The following TLE4 variants were observed in gnomAD, a reference collection of about 807,000 sequenced individuals.
The protein encoded by TLE4 is transducin-like enhancer protein 4.
Under a neutral mutation model 92.8 loss-of-function variants are expected in TLE4, and 8 were observed. The observed-to-expected ratio is 0.09, with a 90% CI of 0.05 to 0.16. The LOEUF (loss-of-function observed/expected upper bound fraction) is 0.16. TLE4 is among the 10% of genes least tolerant of loss of function. The probability of loss-of-function intolerance (pLI) is 1.00; values close to 1 mark genes in which losing one functional copy is unlikely to be tolerated. For missense variants in TLE4, 675 were observed against 997.6 expected (o/e 0.68, Z 4.36); for synonymous variants, 371 against 374.1 (o/e 0.99, Z 0.10).
At chr9:79,641,652 A>G (rs1013156294) in intron 6 of TLE4, among the ~76,000 whole-genome samples, 2 of 152,184 alleles carry the variant, frequency 1.3e-5, no homozygotes, top group Non-Finnish European at 2.9e-5. Context: ...TGCATCCTGC[A>G]GGTCTCAGTT....
rs1178109156 is a variant in TLE4 at position 79,601,252 on chromosome 9, GTATCCTAAATGCCAGAAAA to G, written c.253-11403_253-11385del. On this transcript the variant is annotated intron_variant, in intron 4 of 19. Coordinates refer to ENST00000376552, the MANE Select transcript of TLE4 (RefSeq NM_007005.6). ...ATTTATTATTCTTTTGAATAGCATG[GTATCCTAAATGCCAGAAAA>G]GATGTGTGATGGGAAACTAAATAAA... 1.4e-3 allele frequency among the ~76,000 whole-genome samples: 208 copies of G among 152,218 alleles called. 5 individuals carry two copies. The highest frequency in any genetic ancestry group is 0.014 in the Admixed American group (207 of 15,298).
intron 8 of TLE4, among the ~76,000 whole-genome samples, chr9:79,700,853 TAC>T (rs998979140): frequency 6.6e-6 from 1 of 151,782 alleles, no homozygotes; most frequent in Non-Finnish European, 1.5e-5. Context: ...CACACACACA[TAC>T]ACACACACAC....
At chr9:79,686,132 A>G (rs2065801092) in intron 8 of TLE4, among the ~76,000 whole-genome samples, 1 of 152,220 alleles carries the variant, frequency 6.6e-6, no homozygotes. Flanking sequence ...TGTCTAGGTT[A>G]TATGCAGATA....
At chr9:79,668,880 A>T (rs912816359) in intron 8 of TLE4, 3 of 961,860 alleles carry the variant, frequency 3.1e-6, no homozygotes, top group Non-Finnish European at 1.2e-6. Context: ...TAGCAAAAGC[A>T]TGTCAACAAT....
intron 8 of TLE4, among the ~76,000 whole-genome samples, chr9:79,659,612 G>C (rs2060248833): frequency 6.6e-6 from 1 of 151,638 alleles, no homozygotes; most frequent in Non-Finnish European, 1.5e-5. Flanking sequence ...TTTGTTTTTT[G>C]CCACTCCCTA....
Position 79,642,704 on chromosome 9 carries a change from G to A in TLE4, c.391-9889G>A, listed in dbSNP as rs549944061. 3.3e-5 allele frequency among the ~76,000 whole-genome samples: 5 copies of A among 152,078 alleles called. No individual in the cohort carries two copies. In the South Asian group the frequency reaches 1.0e-3, roughly 32 times the overall value. ...ACTAATGGGAAAGTTAATAAATCAGGGTTTTTGTAGTTTTCTCCTTCTTTT... is the reference window on the plus strand; with the variant it reads ...ACTAATGGGAAAGTTAATAAATCAGAGTTTTTGTAGTTTTCTCCTTCTTTT... On this transcript the variant is annotated intron_variant, in intron 6 of 19. Coordinates refer to ENST00000376552, the MANE Select transcript of TLE4 (RefSeq NM_007005.6).
intron 8 of TLE4, among the ~76,000 whole-genome samples, chr9:79,700,191 C>T (rs937339984): frequency 1.3e-5 from 2 of 152,164 alleles, no homozygotes; most frequent in Admixed American, 1.3e-4. Flanking sequence ...TTACCCCAGA[C>T]TAAAGAGAGG....
At chr9:79,696,488 T>C (rs1004831578) in intron 8 of TLE4, among the ~76,000 whole-genome samples, 2 of 152,186 alleles carry the variant, frequency 1.3e-5, no homozygotes, top group Admixed American at 6.6e-5. Context: ...TTCCTTTAAA[T>C]TGATATATTG....
chr9:79,663,937 A>G (rs2060963990), intron 8 of TLE4, among the ~76,000 whole-genome samples: 1 of 152,216 alleles, frequency 6.6e-6, no homozygotes, highest in African/African-American at 2.4e-5. Flanking sequence ...AGTCCCCGAG[A>G]CGCACTTCAT....
chr9:79,639,638 G>T (rs996759133), intron 6 of TLE4, among the ~76,000 whole-genome samples: 2 of 151,848 alleles, frequency 1.3e-5, no homozygotes, highest in Admixed American at 6.6e-5. Context: ...CTTTTATACT[G>T]TATTTTTACT....
chr9:79,576,260 T>C (rs759062945), intron 4 of TLE4, 83 bp downstream of exon 4: 37 of 1,083,960 alleles, frequency 3.4e-5, no homozygotes, highest in Admixed American at 9.0e-5. Flanking sequence ...TGCAGTTTTA[T>C]TCTGCAAGCC....
At chr9:79,722,924 C>A in intron 18 of TLE4, 35 bp from the exon 19 acceptor site, 1 of 1,600,576 alleles carries the variant, frequency 6.2e-7, no homozygotes, top group Non-Finnish European at 8.6e-7. Flanking sequence ...CAGAGTAACA[C>A]AAACATTGCC....
At chr9:79,712,697 G>T (rs558684058) in intron 14 of TLE4, among the ~76,000 whole-genome samples, 2 of 152,318 alleles carry the variant, frequency 1.3e-5, no homozygotes, top group South Asian at 4.1e-4. Flanking sequence ...GTCTGCTCAG[G>T]TGAATTAGCA....
intron 8 of TLE4, among the ~76,000 whole-genome samples, chr9:79,690,701 C>T (rs765077154): frequency 6.6e-6 from 1 of 150,700 alleles, no homozygotes; most frequent in African/African-American, 2.4e-5. Flanking sequence ...CTCACTGCAG[C>T]CTCCCAGGCT....
rs147705674 is a variant in TLE4 at position 79,685,594 on chromosome 9, T to C, written c.610-19189T>C. On this transcript the variant is annotated intron_variant, in intron 8 of 19. Transcript: ENST00000376552. ...AACAGTGTTCACCAGAATACTACTC[T>C]AGGGGGATTATTCAAGCCTTTCCTA... Among the ~76,000 whole-genome samples the C allele has an allele frequency of 4.0e-4, 61 of 152,326 alleles. 1 individual carries two copies. Among genetic ancestry groups the C allele is most frequent in the African/African-American group, 1.4e-3 (58 of 41,578 alleles).
intron 5 of TLE4, among the ~76,000 whole-genome samples, chr9:79,623,356 T>C (rs2051557705): frequency 6.6e-6 from 1 of 152,216 alleles, no homozygotes; most frequent in East Asian, 1.9e-4. Context: ...ACTATACACA[T>C]ATTACTGGTT....
At chr9:79,713,733 G>A (rs1006323988) in intron 14 of TLE4, among the ~76,000 whole-genome samples, 5 of 151,970 alleles carry the variant, frequency 3.3e-5, no homozygotes, top group Non-Finnish European at 5.9e-5. Context: ...CTCAGATCTC[G>A]TCAATTTAGT....
intron 6 of TLE4, among the ~76,000 whole-genome samples, chr9:79,641,119 T>TA (rs761170778): frequency 0.045 from 6,215 of 137,960 alleles, 196 homozygotes; most frequent in African/African-American, 0.091. Context: ...CTTTAAAACT[T>TA]AAAAAAAAAA....
chr9:79,712,833 T>G (rs545109877), intron 14 of TLE4, among the ~76,000 whole-genome samples: 123 of 152,340 alleles, frequency 8.1e-4, no homozygotes, highest in Admixed American at 1.6e-3. Flanking sequence ...ACTATTTGAT[T>G]AACATCACGG....
Sources: gnomAD v4.1 joint callset for allele counts (sites outside exome capture counted in the v4.1 genomes callset) on GRCh38, gnomAD v4.1.1 for gene constraint, MANE v1.5 for transcripts, NCBI Gene and HGNC (gene_info 2026-07-23, HGNC 2026-07-21) for gene names.